ACER3: variants seen among roughly 807,000 people sequenced by gnomAD.
ACER3 encodes the protein alkCDase 3.
In ACER3, 16 loss-of-function variants were observed where a neutral mutation model predicts 48.9. The observed-to-expected ratio is 0.33, with a 90% CI of 0.22 to 0.50. The LOEUF (loss-of-function observed/expected upper bound fraction) is 0.50, where lower values mean the gene tolerates loss of function less well. ACER3 is among the 20% of genes least tolerant of loss of function. ACER3 has a pLI of 0.98. For synonymous variants in ACER3, 109 were observed against 107.8 expected (o/e 1.01, Z -0.07); for missense variants, 227 against 326.0 (o/e 0.70, Z 2.34).
At chr11:76,891,632 T>C (rs903776486) in intron 1 of ACER3, among the ~76,000 whole-genome samples, 5 of 152,274 alleles carry the variant, frequency 3.3e-5, no homozygotes, top group African/African-American at 9.6e-5. Flanking sequence ...TTGTTACTGA[T>C]GAAAAGAGGA....
At position 76,995,614 on chromosome 11, in the gene ACER3, TA is replaced by T. The variant is rs547288740; in HGVS notation, c.439-3138del. Among the ~76,000 whole-genome samples, 134 of 149,840 alleles carry T rather than the reference TA, an allele frequency of 8.9e-4. 2 individuals are homozygous for T. The highest frequency in any genetic ancestry group is 7.6e-3 in the Admixed American group (114 of 14,962). On this transcript the variant is annotated intron_variant, in intron 6 of 10. Transcript: ENST00000532485. Reference sequence around the variant, plus strand: ...AGTATACATTCTGTCATCTTTTTATTAAAAAAAAAAACCTCTATAAGTTTAG... The same window carrying T: ...AGTATACATTCTGTCATCTTTTTATTAAAAAAAAAACCTCTATAAGTTTAG...
intron 7 of ACER3, among the ~76,000 whole-genome samples, chr11:77,000,492 T>C (rs757198324): frequency 6.6e-6 from 1 of 152,222 alleles, no homozygotes; most frequent in Non-Finnish European, 1.5e-5. Flanking sequence ...TACCTACCTA[T>C]AGATCCCAAA....
intron 2 of ACER3, among the ~76,000 whole-genome samples, chr11:76,938,128 C>T (rs10899326): frequency 0.11 from 16,075 of 152,126 alleles, 1,064 homozygotes; most frequent in East Asian, 0.35. Context: ...ATCCTCCCAC[C>T]TTGGTCTTCC....
At chr11:76,928,002 T>C (rs1394815157) in intron 2 of ACER3, among the ~76,000 whole-genome samples, 4 of 152,158 alleles carry the variant, frequency 2.6e-5, no homozygotes, top group Admixed American at 2.6e-4. Context: ...GGTCAAATGG[T>C]ATTTCTAGTT....
chr11:76,872,909 T>C (rs1270361006), intron 1 of ACER3, among the ~76,000 whole-genome samples: 6 of 83,464 alleles, frequency 7.2e-5, no homozygotes, highest in South Asian at 3.9e-4. Flanking sequence ...TTTTTTCTTT[T>C]TCTTTTTTTT....
intron 2 of ACER3, among the ~76,000 whole-genome samples, chr11:76,934,307 A>C (rs959631569): frequency 6.6e-6 from 1 of 152,186 alleles, no homozygotes; most frequent in Non-Finnish European, 1.5e-5. Flanking sequence ...AGAGGCTGCA[A>C]TCTCGGCACT....
At chr11:77,013,925 A>G (rs1290128397) in intron 7 of ACER3, among the ~76,000 whole-genome samples, 1 of 152,198 alleles carries the variant, frequency 6.6e-6, no homozygotes, top group Non-Finnish European at 1.5e-5. Context: ...ACATAGATGA[A>G]TCTCAAAGAA....
chr11:76,989,893 A>T (rs1476062943), intron 5 of ACER3, among the ~76,000 whole-genome samples: 3 of 152,216 alleles, frequency 2.0e-5, no homozygotes, highest in Admixed American at 1.3e-4. Context: ...CATCCACATG[A>T]CATTGGAACC....
intron 3 of ACER3, among the ~76,000 whole-genome samples, chr11:76,960,921 G>A (rs1947976744): frequency 6.6e-6 from 1 of 152,124 alleles, no homozygotes; most frequent in African/African-American, 2.4e-5. Context: ...CACATAGTGG[G>A]GACAGCTTTG....
At chr11:76,901,045 T>C (rs1051708846) in intron 1 of ACER3, among the ~76,000 whole-genome samples, 1 of 152,162 alleles carries the variant, frequency 6.6e-6, no homozygotes, top group Non-Finnish European at 1.5e-5. Flanking sequence ...GCATCTTCTA[T>C]GGTGTAATTT....
At chr11:76,956,927 G>T (rs1399089676) in intron 2 of ACER3, among the ~76,000 whole-genome samples, 1 of 151,594 alleles carries the variant, frequency 6.6e-6, no homozygotes, top group Non-Finnish European at 1.5e-5. Context: ...TTTTTTAAAG[G>T]CAAGAATAAC....
At chr11:76,943,890 A>G (rs1211692847) in intron 2 of ACER3, among the ~76,000 whole-genome samples, 1 of 143,616 alleles carries the variant, frequency 7.0e-6, no homozygotes, top group Non-Finnish European at 1.5e-5. Flanking sequence ...TGATACCTTT[A>G]TCATTATATA....
intron 3 of ACER3, among the ~76,000 whole-genome samples, chr11:76,968,384 T>C (rs1368762534): frequency 1.3e-5 from 2 of 152,172 alleles, no homozygotes; most frequent in Non-Finnish European, 2.9e-5. Flanking sequence ...AATTTATAGA[T>C]TGAATGCAAT....
intron 1 of ACER3, among the ~76,000 whole-genome samples, chr11:76,903,910 C>T (rs866378089): frequency 6.6e-6 from 1 of 152,188 alleles, no homozygotes; most frequent in Admixed American, 6.5e-5. Flanking sequence ...CTATTATTCT[C>T]TCTGAAGTCT....
chr11:77,007,878 G>A (rs1044820769), intron 7 of ACER3, among the ~76,000 whole-genome samples: 2 of 152,036 alleles, frequency 1.3e-5, no homozygotes, highest in African/African-American at 4.8e-5. Context: ...CTATTGCATG[G>A]CAGGGTGACT....
rs541051560 is a variant in ACER3, at chr11:76,982,407, G to A, written c.321-3236G>A. On this transcript the variant is annotated intron_variant, in intron 4 of 10. Transcript: ENST00000532485. ...AATTTTTGTATTTTTAGTAGAGATG[G>A]GGTTTCACCATGTTGGCCAGGATGG... 4.5e-4 allele frequency among the ~76,000 whole-genome samples: 69 copies of A among 151,944 alleles called. No homozygotes were observed. In the South Asian group the frequency reaches 0.014, roughly 31 times the overall value.
chr11:76,982,671 T>G (rs1948611598), intron 4 of ACER3, among the ~76,000 whole-genome samples: 1 of 152,236 alleles, frequency 6.6e-6, no homozygotes, highest in South Asian at 2.1e-4. Flanking sequence ...AGTTTTAAAT[T>G]GTTATAAAAT....
chr11:76,926,873 A>G, intron 2 of ACER3, among the ~76,000 whole-genome samples: 2 of 152,380 alleles, frequency 1.3e-5, no homozygotes, highest in Middle Eastern at 3.4e-3. Context: ...TATTTTAAGC[A>G]TACAAAAAAG....
At chr11:76,972,635 G>C (rs1035233260) in intron 3 of ACER3, among the ~76,000 whole-genome samples, 2 of 152,104 alleles carry the variant, frequency 1.3e-5, no homozygotes, top group African/African-American at 4.8e-5. Context: ...GTGACACCCT[G>C]ATCTATGCCA....
Sources: gnomAD v4.1 joint callset for allele counts (sites outside exome capture counted in the v4.1 genomes callset) on GRCh38, gnomAD v4.1.1 for gene constraint, MANE v1.5 for transcripts, NCBI Gene and HGNC (gene_info 2026-07-23, HGNC 2026-07-21) for gene names.